FMN1: variants seen among roughly 807,000 people sequenced by gnomAD.
FMN1 encodes formin-1.
A neutral mutation model predicts 132.4 loss-of-function variants in FMN1; 110 were observed. The ratio of observed to expected loss-of-function variants is 0.83; its 90% CI spans 0.71 to 0.97. FMN1 has a LOEUF of 0.97. Among genes scored for constraint, FMN1 ranks in the 50% least tolerant of loss-of-function variants. The pLI is 0.00. For synonymous variants in FMN1, 722 were observed against 651.7 expected, an observed-to-expected ratio of 1.11 and a Z score of -1.64; for missense variants, 1,792 against 1,705.3, an observed-to-expected ratio of 1.05 and a Z score of -0.90.
At chr15:33,050,846 C>T (rs1269848969) in intron 6 of FMN1, among the ~76,000 whole-genome samples, 2 of 152,196 alleles carry the variant, frequency 1.3e-5, no homozygotes, top group Non-Finnish European at 2.9e-5. Flanking sequence ...CTATAAATTA[C>T]TACTGTATGG....
chr15:32,924,690 C>T (rs1204666109), intron 10 of FMN1, among the ~76,000 whole-genome samples: 1 of 152,158 alleles, frequency 6.6e-6, no homozygotes, highest in Non-Finnish European at 1.5e-5. Context: ...GAGGCCAAGG[C>T]GGGTGGATGA....
At chr15:33,181,167 T>C (rs888971531) in intron 2 of FMN1, among the ~76,000 whole-genome samples, 2 of 152,210 alleles carry the variant, frequency 1.3e-5, no homozygotes, top group Non-Finnish European at 2.9e-5. Context: ...CAGTTTCCTT[T>C]TGGGGGCTCA....
Position 32,777,779 on chromosome 15 carries a change from T to C in FMN1, c.4131-860A>G, listed in dbSNP as rs896632721. 5.6e-5 allele frequency among the ~76,000 whole-genome samples: 7 copies of C among 125,940 alleles called. 2 individuals are homozygous for C. Among genetic ancestry groups the C allele is most frequent in the Non-Finnish European group, 6.5e-5 (4 of 61,622 alleles). The allele number at this position is 125,940 out of a possible 152,430, so 82.6% of individuals were successfully genotyped here. ...GTATAATACATTTATATACTATGTATAATACATTTATATATTATGTATAAT... is the reference window on the plus strand; with the variant it reads ...GTATAATACATTTATATACTATGTACAATACATTTATATATTATGTATAAT... On this transcript the variant is annotated intron_variant, in intron 19 of 20. Transcript: ENST00000616417.
chr15:32,951,028 T>C (rs2061639967), intron 9 of FMN1, among the ~76,000 whole-genome samples: 1 of 152,150 alleles, frequency 6.6e-6, no homozygotes, highest in Non-Finnish European at 1.5e-5. Context: ...ATTCTATTCA[T>C]GCATTATGTT....
intron 6 of FMN1, among the ~76,000 whole-genome samples, chr15:33,045,364 G>A (rs2141141414): frequency 6.6e-6 from 1 of 152,310 alleles, no homozygotes; most frequent in East Asian, 1.9e-4. Flanking sequence ...CTGCCAGGCT[G>A]AGTGGGACCT....
At chr15:33,129,750 T>A (rs924294569) in intron 4 of FMN1, among the ~76,000 whole-genome samples, 2 of 151,626 alleles carry the variant, frequency 1.3e-5, no homozygotes, top group African/African-American at 2.4e-5. Flanking sequence ...ACTGCCTCCA[T>A]GGCTCACACC....
At chr15:33,009,137 T>A (rs1474792696) in intron 6 of FMN1, among the ~76,000 whole-genome samples, 1 of 152,292 alleles carries the variant, frequency 6.6e-6, no homozygotes, top group African/African-American at 2.4e-5. Flanking sequence ...GAGCTGTGAA[T>A]CCATCAGAAA....
intron 6 of FMN1, among the ~76,000 whole-genome samples, chr15:33,020,865 A>AT (rs1391025615): frequency 6.6e-6 from 1 of 152,118 alleles, no homozygotes; most frequent in African/African-American, 2.4e-5. Context: ...AAAAGACTTT[A>AT]TTGTATTTCA....
intron 13 of FMN1, among the ~76,000 whole-genome samples, chr15:32,901,189 T>A (rs1302803262): frequency 6.6e-6 from 1 of 151,922 alleles, no homozygotes; most frequent in Non-Finnish European, 1.5e-5. Context: ...AGAAAAAAAA[T>A]TCAGCTCCAG....
intron 4 of FMN1, among the ~76,000 whole-genome samples, chr15:33,098,264 A>G (rs2039160876): frequency 6.6e-6 from 1 of 152,148 alleles, no homozygotes; most frequent in South Asian, 2.1e-4. Flanking sequence ...GTCCTCCCCC[A>G]ATAGGGCTGA....
chr15:33,108,177 C>CT (rs2039557877), intron 4 of FMN1, among the ~76,000 whole-genome samples: 1 of 152,016 alleles, frequency 6.6e-6, no homozygotes, highest in Admixed American at 6.6e-5. Context: ...TAAGCCCTCT[C>CT]TGTTTTCTTG....
At chr15:32,928,103 T>A (rs116953255) in intron 9 of FMN1, among the ~76,000 whole-genome samples, 205 of 152,292 alleles carry the variant, frequency 1.3e-3, no homozygotes, top group Non-Finnish European at 2.7e-3. Context: ...ATTTTTTTCC[T>A]TTACCTGTTC....
At chr15:33,067,664 G>A (rs1270599559) in intron 5 of FMN1, 17 of 1,613,892 alleles carry the variant, frequency 1.1e-5, no homozygotes, top group Middle Eastern at 1.6e-4. Flanking sequence ...GCCATTGCTG[G>A]AATCATCCTG....
In FMN1 at chr15:33,153,904, G is replaced by A; in HGVS notation, c.1011C>T (p.Ser337=). ...TTTTAACTACTCTTTGTACCTGGGA[G>A]GACAGGTCCTGAACTTTGGCCACCA... ...SKVVAKVQDL[S]SQVQRVVKTH... Residue 337 remains serine, a synonymous_variant, in exon 4 of 21, where the codon TCC becomes TCT. Coordinates refer to ENST00000616417, the MANE Select transcript of FMN1 (RefSeq NM_001277313.2). 2 of 1,536,802 alleles carry A rather than the reference G, an allele frequency of 1.3e-6. No individual in the cohort carries two copies. Among genetic ancestry groups the A allele is most frequent in the Non-Finnish European group, 1.7e-6 (2 of 1,147,066 alleles).
intron 6 of FMN1, among the ~76,000 whole-genome samples, chr15:33,036,535 AT>A (rs2036200911): frequency 6.6e-6 from 1 of 152,118 alleles, no homozygotes; most frequent in Non-Finnish European, 1.5e-5. Flanking sequence ...GAGAGCTGAG[AT>A]TTCTGTCAGT....
At chr15:32,922,682 C>T (rs2060861312) in intron 10 of FMN1, among the ~76,000 whole-genome samples, 2 of 152,162 alleles carry the variant, frequency 1.3e-5, no homozygotes, top group Admixed American at 6.5e-5. Context: ...ATCAAGGTGA[C>T]AAAGCTGCAA....
intron 18 of FMN1, among the ~76,000 whole-genome samples, chr15:32,801,787 T>TC (rs2057491099): frequency 6.6e-6 from 1 of 151,474 alleles, no homozygotes. Context: ...AGAATGAGAC[T>TC]CCGTCTCAAA....
intron 5 of FMN1, among the ~76,000 whole-genome samples, chr15:33,069,613 T>C (rs1188153270): frequency 6.6e-6 from 1 of 152,206 alleles, no homozygotes; most frequent in African/African-American, 2.4e-5. Context: ...AATCTAAGCA[T>C]CAATACTGAG....
rs1332265976 is a variant in FMN1, at chr15:32,969,436, A to G, written c.2265T>C (p.His755=). Residue 755 remains histidine (H), a synonymous_variant, in exon 8 of 21, where the codon CAT becomes CAC. Transcript: ENST00000616417. ...ELRAFHIRGE[H]AMITARLEET... Reference sequence around the variant, plus strand: ...CTTCTAGTCTCGCTGTTATCATTGCATGCTCGCCCCGGATATGAAATGCCC... The same window carrying G: ...CTTCTAGTCTCGCTGTTATCATTGCGTGCTCGCCCCGGATATGAAATGCCC... 3 of 1,613,838 alleles carry G rather than the reference A, an allele frequency of 1.9e-6. No homozygotes were observed. Among genetic ancestry groups the G allele is most frequent in the African/African-American group, 1.3e-5 (1 of 74,906 alleles).
Sources: allele counts gnomAD v4.1 joint callset (sites outside exome capture counted in the v4.1 genomes callset), GRCh38; gene constraint gnomAD v4.1.1; transcripts MANE v1.5; gene names NCBI Gene and HGNC (gene_info 2026-07-23, HGNC 2026-07-21).